Variants in FAM13A observed in about 807,000 individuals in gnomAD.
The protein encoded by FAM13A is family with sequence similarity 13 member A, also known as protein FAM13A.
FAM13A carries 76 observed loss-of-function variants against 129.6 expected under a neutral mutation model. The observed-to-expected ratio is 0.59, with a 90% CI of 0.49 to 0.71. The LOEUF is 0.71. Among genes scored for constraint, FAM13A ranks in the 30% least tolerant of loss-of-function variants. The pLI, the probability that FAM13A is intolerant of heterozygous loss-of-function variation, is 0.00. For missense variants in FAM13A, 1,108 were observed against 1,249.3 expected, an observed-to-expected ratio of 0.89 and a Z score of 1.70; for synonymous variants, 443 against 449.9, an observed-to-expected ratio of 0.98 and a Z score of 0.20.
intron 20 of FAM13A, 33 bp from the exon 21 acceptor site, chr4:88,737,588 C>T (rs1560846778): frequency 3.8e-6 from 6 of 1,572,232 alleles, no homozygotes; most frequent in Non-Finnish European, 5.3e-6. Context: ...GGTTACATTC[C>T]GAACCCCTTT....
chr4:88,897,461 A>C (rs1746545815), intron 6 of FAM13A, among the ~76,000 whole-genome samples: 1 of 152,214 alleles, frequency 6.6e-6, no homozygotes, highest in Non-Finnish European at 1.5e-5. Context: ...TCAAGAGCAG[A>C]GACACCAGCT....
At chr4:88,876,139 C>T (rs1456844145) in intron 6 of FAM13A, among the ~76,000 whole-genome samples, 2 of 151,972 alleles carry the variant, frequency 1.3e-5, no homozygotes, top group Non-Finnish European at 2.9e-5. Flanking sequence ...CAGGGCCTGT[C>T]CTGGGATGGG....
At chr4:88,904,325 C>T (rs569979874) in intron 6 of FAM13A, among the ~76,000 whole-genome samples, 14 of 152,138 alleles carry the variant, frequency 9.2e-5, no homozygotes, top group African/African-American at 2.9e-4. Context: ...CATGTATGTT[C>T]ACTGCAGTAC....
intron 7 of FAM13A, among the ~76,000 whole-genome samples, chr4:88,842,362 G>C (rs928710111): frequency 4.6e-5 from 7 of 152,240 alleles, no homozygotes; most frequent in Non-Finnish European, 1.0e-4. Flanking sequence ...CTCAGATATA[G>C]AATGAAGAAC....
At chr4:89,054,069 C>G (rs1393846245) in intron 1 of FAM13A, among the ~76,000 whole-genome samples, 1 of 152,154 alleles carries the variant, frequency 6.6e-6, no homozygotes, top group Non-Finnish European at 1.5e-5. Flanking sequence ...AGTAAAGCAG[C>G]TAAATTTTCT....
chr4:88,835,444 T>C (rs1734653267), intron 7 of FAM13A, among the ~76,000 whole-genome samples: 1 of 152,160 alleles, frequency 6.6e-6, no homozygotes, highest in Admixed American at 6.5e-5. Flanking sequence ...ACTGGTTTAA[T>C]GGAGGACAAC....
At chr4:88,795,711 T>G (rs1363561037) in intron 8 of FAM13A, among the ~76,000 whole-genome samples, 2 of 151,910 alleles carry the variant, frequency 1.3e-5, no homozygotes, top group Non-Finnish European at 3.0e-5. Flanking sequence ...TTTACATAAA[T>G]TGTTGGCTAT....
intron 4 of FAM13A, among the ~76,000 whole-genome samples, chr4:88,962,022 G>A (rs1758689934): frequency 6.6e-6 from 1 of 151,272 alleles, no homozygotes; most frequent in Non-Finnish European, 1.5e-5. Context: ...AGGGAAGAGA[G>A]AGAAAGGGAA....
intron 7 of FAM13A, among the ~76,000 whole-genome samples, chr4:88,806,980 T>C (rs1451175015): frequency 6.6e-6 from 1 of 152,144 alleles, no homozygotes; most frequent in East Asian, 1.9e-4. Flanking sequence ...AGAAACACCA[T>C]GCCAAACAAA....
chr4:88,771,809 C>CA (rs1456875544), intron 11 of FAM13A, among the ~76,000 whole-genome samples: 4 of 152,118 alleles, frequency 2.6e-5, no homozygotes, highest in Admixed American at 1.3e-4. Flanking sequence ...ACTTTCAAAA[C>CA]ACAGATTCAC....
intron 19 of FAM13A, among the ~76,000 whole-genome samples, chr4:88,739,606 C>T (rs1222075590): frequency 7.2e-6 from 1 of 139,660 alleles, no homozygotes; most frequent in Admixed American, 7.2e-5. Context: ...GAAACCCCGT[C>T]TCTACTAAAA....
At chr4:88,868,855 A>G (rs988209352) in intron 6 of FAM13A, among the ~76,000 whole-genome samples, 2 of 152,228 alleles carry the variant, frequency 1.3e-5, no homozygotes, top group African/African-American at 2.4e-5. Flanking sequence ...TATACTACAG[A>G]GATGATTATG....
chr4:88,893,826 C>A (rs75122537), intron 6 of FAM13A, among the ~76,000 whole-genome samples: 1,463 of 117,590 alleles, frequency 0.012, 1 homozygote, highest in South Asian at 0.014. Context: ...GACTCCGTCT[C>A]AAAAAAAAAA....
intron 7 of FAM13A, among the ~76,000 whole-genome samples, chr4:88,843,300 T>C (rs60312543): frequency 0.017 from 2,555 of 152,324 alleles, 83 homozygotes; most frequent in African/African-American, 0.059. Flanking sequence ...CCCTCATTCA[T>C]ATGGGTGCTA....
chr4:88,906,376 T>C lies in FAM13A; in HGVS notation c.843+3A>G. 1 of 1,589,906 alleles carries C rather than the reference T, an allele frequency of 6.3e-7. No individual in the cohort carries two copies. Among genetic ancestry groups the C allele is most frequent in the Non-Finnish European group, 8.6e-7 (1 of 1,159,796 alleles). On this transcript the variant is annotated splice_donor_region_variant and intron_variant, in intron 6 of 23. Transcript: ENST00000264344. ...GGTCGCCTACAGAGAAAACATAGTT[T>C]ACCTTGGTTTTTGGAGGTGGTTTTG...
At chr4:88,933,872 T>C (rs144678861) in intron 5 of FAM13A, among the ~76,000 whole-genome samples, 2,159 of 152,286 alleles carry the variant, frequency 0.014, 31 homozygotes, top group Middle Eastern at 0.048. Flanking sequence ...TACTGACTAA[T>C]AGCTTCACTT....
intron 7 of FAM13A, among the ~76,000 whole-genome samples, chr4:88,849,276 C>T (rs1737164182): frequency 6.6e-6 from 1 of 152,172 alleles, no homozygotes; most frequent in East Asian, 1.9e-4. Flanking sequence ...AAGGAACCAA[C>T]ACTGCAATTG....
At chr4:88,894,246 TA>T (rs1174278866) in intron 6 of FAM13A, among the ~76,000 whole-genome samples, 2 of 152,198 alleles carry the variant, frequency 1.3e-5, no homozygotes, top group African/African-American at 2.4e-5. Context: ...ATTATTCACT[TA>T]AAAATATTTG....
Position 88,739,087 on chromosome 4 carries a change from G to A in FAM13A, c.2505C>T (p.Tyr835=), listed in dbSNP as rs115629193. 190 of 1,613,848 alleles carry A rather than the reference G, an allele frequency of 1.2e-4. No homozygotes were observed. In the African/African-American group the frequency reaches 1.3e-3, roughly 11 times the overall value. Residue 835 remains tyrosine (Y), a synonymous_variant, in exon 20 of 24, where the codon TAC becomes TAT. Coordinates refer to ENST00000264344, the MANE Select transcript of FAM13A (RefSeq NM_014883.4). ...KNERQVMKPL[Y]DRYRLVKQIL... ...TCTGTTTGACCAGCCGGTACCTGTC[G>A]TATAGTGGCTTCATCACCTGCCGTT...
Sources: gnomAD v4.1 joint callset for allele counts (sites outside exome capture counted in the v4.1 genomes callset) on GRCh38, gnomAD v4.1.1 for gene constraint, MANE v1.5 for transcripts, NCBI Gene and HGNC (gene_info 2026-07-23, HGNC 2026-07-21) for gene names.